Variants in NPAS3 observed in about 807,000 individuals in gnomAD.
NPAS3 encodes the protein neuronal PAS domain protein 3.
A neutral mutation model predicts 73.1 loss-of-function variants in NPAS3; 14 were observed. The ratio of observed to expected loss-of-function variants is 0.19; its 90% CI spans 0.13 to 0.30. The LOEUF (loss-of-function observed/expected upper bound fraction) is 0.30. NPAS3 is among the 10% of genes least tolerant of loss of function. NPAS3 has a pLI of 1.00. For missense variants in NPAS3, 1,096 were observed against 1,250.0 expected (o/e 0.88, Z 1.86); for synonymous variants, 620 against 541.5 (o/e 1.14, Z -2.01).
intron 2 of NPAS3, among the ~76,000 whole-genome samples, chr14:33,072,779 G>A (rs542483824): frequency 6.6e-6 from 1 of 152,126 alleles, no homozygotes; most frequent in South Asian, 2.1e-4. Flanking sequence ...GGCACTTTTA[G>A]GCCTTTGGTT....
intron 6 of NPAS3, among the ~76,000 whole-genome samples, chr14:33,701,046 G>A (rs780647155): frequency 6.6e-5 from 10 of 152,166 alleles, no homozygotes; most frequent in African/African-American, 9.7e-5. Flanking sequence ...AAGGGCGTCC[G>A]TGAAACAAAG....
At chr14:33,395,098 T>A (rs1406167317) in intron 4 of NPAS3, among the ~76,000 whole-genome samples, 1 of 152,128 alleles carries the variant, frequency 6.6e-6, no homozygotes, top group Non-Finnish European at 1.5e-5. Flanking sequence ...GAATTGCAAA[T>A]AGCGAGGATC....
chr14:33,740,123 G>C (rs1221224747), intron 7 of NPAS3, among the ~76,000 whole-genome samples: 2 of 152,150 alleles, frequency 1.3e-5, no homozygotes, highest in Admixed American at 1.3e-4. Flanking sequence ...TACAGATAAA[G>C]TGAGATAACA....
intron 3 of NPAS3, among the ~76,000 whole-genome samples, chr14:33,308,938 A>G (rs1270861146): frequency 6.6e-6 from 1 of 152,204 alleles, no homozygotes; most frequent in Non-Finnish European, 1.5e-5. Flanking sequence ...AAACAGTGCT[A>G]GGAACTGTGA....
At chr14:33,625,643 A>C (rs573194742) in intron 5 of NPAS3, among the ~76,000 whole-genome samples, 1 of 152,358 alleles carries the variant, frequency 6.6e-6, no homozygotes, top group South Asian at 2.1e-4. Context: ...ATAAGCGGTT[A>C]GATATGTTGT....
At chr14:33,801,470 T>TG, downstream of NPAS3, 3 of 284,706 alleles carry the variant, frequency 1.1e-5, no homozygotes, top group Non-Finnish European at 2.0e-5. Flanking sequence ...TGACAACCAT[T>TG]GGGGTTTCTT....
intron 3 of NPAS3, among the ~76,000 whole-genome samples, chr14:33,287,755 A>G (rs1371158508): frequency 6.6e-6 from 1 of 152,110 alleles, no homozygotes; most frequent in Non-Finnish European, 1.5e-5. Flanking sequence ...CATTTTCTAT[A>G]TGAGAAAATG....
intron 5 of NPAS3, among the ~76,000 whole-genome samples, chr14:33,617,824 G>A (rs1408210883): frequency 6.6e-6 from 1 of 152,040 alleles, no homozygotes. Context: ...ATTCTTTCAT[G>A]CCTTAAATGG....
At chr14:33,101,064 A>G (rs966676277) in intron 2 of NPAS3, among the ~76,000 whole-genome samples, 5 of 152,102 alleles carry the variant, frequency 3.3e-5, no homozygotes, top group Non-Finnish European at 7.4e-5. Context: ...GTTCAGAAGG[A>G]TGGGACTAGT....
At chr14:33,802,664 C>T (rs1348825353), downstream of NPAS3, 1 of 152,160 alleles carries the variant, frequency 6.6e-6, no homozygotes, top group Non-Finnish European at 1.5e-5. Context: ...TGTCCTTTGT[C>T]TTATCTGTGC....
At chr14:33,259,786 T>C (rs1260312772) in intron 3 of NPAS3, among the ~76,000 whole-genome samples, 2 of 151,928 alleles carry the variant, frequency 1.3e-5, no homozygotes, top group African/African-American at 4.8e-5. Context: ...TAGAATCAGA[T>C]AAAAACCAGT....
At chr14:33,680,858 G>A (rs557967944) in intron 6 of NPAS3, 2 of 513,648 alleles carry the variant, frequency 3.9e-6, no homozygotes, top group Admixed American at 7.4e-5. Flanking sequence ...GTAAAGTATG[G>A]GTTATCATGT....
intron 4 of NPAS3, among the ~76,000 whole-genome samples, chr14:33,505,852 A>G (rs2139960552): frequency 6.6e-6 from 1 of 151,840 alleles, no homozygotes; most frequent in East Asian, 1.9e-4. Context: ...CTCTGACTTC[A>G]CTTCCCACCA....
chr14:33,304,053 G>C (rs2042661272), intron 3 of NPAS3, among the ~76,000 whole-genome samples: 1 of 152,180 alleles, frequency 6.6e-6, no homozygotes, highest in African/African-American at 2.4e-5. Context: ...GACTACAGGT[G>C]CCCGCAACCA....
At chr14:33,272,560 G>C (rs904246580) in intron 3 of NPAS3, among the ~76,000 whole-genome samples, 2 of 151,992 alleles carry the variant, frequency 1.3e-5, no homozygotes, top group Non-Finnish European at 2.9e-5. Context: ...GGGACTACAG[G>C]TGTGCACCAC....
chr14:33,601,867 T>C (rs2057409332), intron 5 of NPAS3, among the ~76,000 whole-genome samples: 1 of 152,152 alleles, frequency 6.6e-6, no homozygotes, highest in African/African-American at 2.4e-5. Flanking sequence ...CCAAGAGTAA[T>C]AGGGTTTGGA....
intron 2 of NPAS3, among the ~76,000 whole-genome samples, chr14:33,061,795 A>G (rs1445150467): frequency 6.6e-6 from 1 of 152,216 alleles, no homozygotes; most frequent in African/African-American, 2.4e-5. Flanking sequence ...AGACTGAGAT[A>G]TCAATAAGTA....
At chr14:33,264,192 T>A (rs1048373873) in intron 3 of NPAS3, among the ~76,000 whole-genome samples, 1 of 151,826 alleles carries the variant, frequency 6.6e-6, no homozygotes, top group African/African-American at 2.4e-5. Flanking sequence ...AAACACCGCA[T>A]GTTCTCACTC....
chr14:33,382,615 G>C (rs2046604960), intron 4 of NPAS3, among the ~76,000 whole-genome samples: 1 of 152,150 alleles, frequency 6.6e-6, no homozygotes, highest in Non-Finnish European at 1.5e-5. Flanking sequence ...ATCAAATGCA[G>C]CTTTGGGGAA....
Sources: allele counts gnomAD v4.1 joint callset (sites outside exome capture counted in the v4.1 genomes callset), GRCh38; gene constraint gnomAD v4.1.1; transcripts MANE v1.5; gene names NCBI Gene and HGNC (gene_info 2026-07-23, HGNC 2026-07-21).